Variants in ARHGAP35 observed in about 807,000 individuals in gnomAD.
The protein encoded by ARHGAP35 is rho GTPase-activating protein 35.
ARHGAP35 carries 15 observed loss-of-function variants against 111.1 expected under a neutral mutation model. The observed-to-expected ratio is 0.13, with a 90% CI of 0.09 to 0.21. ARHGAP35 has a LOEUF of 0.21. Ranked by LOEUF, ARHGAP35 falls within the 10% of genes least tolerant of loss-of-function variation. The pLI is 1.00. For synonymous variants in ARHGAP35, 643 were observed against 710.3 expected, an observed-to-expected ratio of 0.91 and a Z score of 1.51; for missense variants, 1,262 against 1,873.0, an observed-to-expected ratio of 0.67 and a Z score of 6.02.
intron 2 of ARHGAP35, among the ~76,000 whole-genome samples, chr19:46,930,662 C>A (rs1291881711): frequency 6.7e-6 from 1 of 150,164 alleles, no homozygotes; most frequent in Non-Finnish European, 1.5e-5. Context: ...TTTATGGAGA[C>A]CAAAAGAGAA....
intron 2 of ARHGAP35, among the ~76,000 whole-genome samples, chr19:46,923,879 A>C (rs548373349): frequency 6.6e-6 from 1 of 151,692 alleles, no homozygotes; most frequent in Non-Finnish European, 1.5e-5. Flanking sequence ...CAAGTTCACG[A>C]CACTGTATTC....
Position 46,919,973 on chromosome 19 carries a change from G to T in ARHGAP35, c.1298G>T (p.Arg433Leu). 6.2e-7 allele frequency: 1 copy of T among 1,613,980 alleles called. No individual in the cohort carries two copies. Among genetic ancestry groups the T allele is most frequent in the Non-Finnish European group, 8.5e-7 (1 of 1,179,908 alleles). ...LRNERKRVEMRRAFKENLETS... is the reference protein window; with the variant it reads ...LRNERKRVEMLRAFKENLETS... ...AACGAAAGGAAAAGAGTTGAGATGC[G>T]AAGGGCGTTTAAAGAAAACCTGGAG... is the stretch of plus-strand genomic sequence containing the variant. The change falls in exon 2 of 7, where the codon CGA becomes CTA. Residue 433 changes from arginine to leucine, a missense_variant. By Grantham distance (102) the Arg-to-Leu change is moderately radical. Transcript: ENST00000672722. This position sits in a 1 kb window ranked among gnomAD's most constrained non-coding sequence, Gnocchi z 6.2.
intron 1 of ARHGAP35, among the ~76,000 whole-genome samples, chr19:46,864,911 C>G (rs1026213422): frequency 6.6e-6 from 1 of 152,176 alleles, no homozygotes; most frequent in African/African-American, 2.4e-5. Flanking sequence ...ACTGTGTATG[C>G]AGTACTGCTT....
In ARHGAP35 at chr19:46,919,475, G is replaced by A; in HGVS notation, c.800G>A (p.Ser267Asn). 1 of 1,613,982 alleles carries A rather than the reference G, an allele frequency of 6.2e-7. No individual in the cohort carries two copies. Among genetic ancestry groups the A allele is most frequent in the Non-Finnish European group, 8.5e-7 (1 of 1,179,898 alleles). ...IPYFEALKQQ[S>N]QQIATAKDKY... is the part of the protein sequence containing the mutation. ...TATTTTGAAGCTCTCAAGCAGCAGA[G>A]TCAGCAGATAGCTACAGCAAAAGAC... is the stretch of plus-strand genomic sequence containing the variant. The change falls in exon 2 of 7, where the codon AGT (serine) becomes AAT (asparagine). Residue 267 changes from serine to asparagine, a missense_variant. Transcript: ENST00000672722. The surrounding 1 kb of genome is among the most constrained non-coding windows in gnomAD (Gnocchi z 6.2).
At position 46,945,810 on chromosome 19, in the gene ARHGAP35, T is replaced by A. The variant is rs2056376279; in HGVS notation, c.3826+8402T>A. Among the ~76,000 whole-genome samples, 1 of 152,156 alleles carries A rather than the reference T, an allele frequency of 6.6e-6. No homozygotes were observed. Among genetic ancestry groups the A allele is most frequent in the African/African-American group, 2.4e-5 (1 of 41,422 alleles). ...ATGTGAGGCCAGACTTCGTTCCCTG[T>A]TTCTGTGATTTTTAACCTCTGCTTT... On this transcript the variant is annotated intron_variant, in intron 3 of 6. Coordinates refer to ENST00000672722, the MANE Select transcript of ARHGAP35 (RefSeq NM_004491.5). The surrounding 1 kb of genome is among the most constrained non-coding windows in gnomAD (Gnocchi z 4.1).
chr19:46,928,782 A>G (rs2056254038), intron 2 of ARHGAP35, among the ~76,000 whole-genome samples: 1 of 151,912 alleles, frequency 6.6e-6, no homozygotes, highest in Admixed American at 6.6e-5. Flanking sequence ...AAATACAAAA[A>G]TTAGCCAGGT....
At chr19:46,958,363 C>G (rs887836591) in intron 3 of ARHGAP35, among the ~76,000 whole-genome samples, 1 of 145,700 alleles carries the variant, frequency 6.9e-6, no homozygotes, top group East Asian at 2.0e-4. Flanking sequence ...CCAGCCTGGG[C>G]GACAGAGCAA....
intron 1 of ARHGAP35, among the ~76,000 whole-genome samples, chr19:46,885,658 G>T (rs1485196295): frequency 1.3e-5 from 2 of 152,024 alleles, no homozygotes; most frequent in South Asian, 4.2e-4. Flanking sequence ...TACATTCTTT[G>T]GTTTGTCTTC....
intron 1 of ARHGAP35, among the ~76,000 whole-genome samples, chr19:46,917,485 G>A (rs1288085888): frequency 6.6e-6 from 1 of 152,070 alleles, no homozygotes; most frequent in African/African-American, 2.4e-5. Context: ...GCGCATGCCT[G>A]TAATCCCAGC....
At chr19:46,946,182 A>C (rs1001537844) in intron 3 of ARHGAP35, among the ~76,000 whole-genome samples, 2 of 152,194 alleles carry the variant, frequency 1.3e-5, no homozygotes, top group African/African-American at 4.8e-5. Context: ...TGTTCCATAC[A>C]TGTTTCTTGA....
chr19:46,983,303 C>T (rs2056631115), intron 3 of ARHGAP35, among the ~76,000 whole-genome samples: 1 of 152,130 alleles, frequency 6.6e-6, no homozygotes, highest in Non-Finnish European at 1.5e-5. Flanking sequence ...TCTCAGCGTT[C>T]CTGTCTGTAG....
chr19:46,909,302 A>T (rs543819899), intron 1 of ARHGAP35, among the ~76,000 whole-genome samples: 2 of 152,188 alleles, frequency 1.3e-5, no homozygotes, highest in Middle Eastern at 6.8e-3. Flanking sequence ...GACCATATTT[A>T]AAAAACAAAA....
At chr19:46,996,327 C>T (rs1451851640) in intron 5 of ARHGAP35, among the ~76,000 whole-genome samples, 4 of 152,016 alleles carry the variant, frequency 2.6e-5, no homozygotes, top group Non-Finnish European at 5.9e-5. Context: ...GGTCTCAAAC[C>T]CCTGACTTCA....
intron 1 of ARHGAP35, among the ~76,000 whole-genome samples, chr19:46,870,349 G>T (rs2055881256): frequency 6.6e-6 from 1 of 151,850 alleles, no homozygotes; most frequent in South Asian, 2.1e-4. Context: ...GGAGGCCGAG[G>T]CGGGTGGATC....
intron 1 of ARHGAP35, among the ~76,000 whole-genome samples, chr19:46,878,104 C>T (rs2055935844): frequency 6.6e-6 from 1 of 152,000 alleles, no homozygotes; most frequent in Non-Finnish European, 1.5e-5. Flanking sequence ...GCTCACTGCA[C>T]CTTCCACCTC....
In ARHGAP35 at chr19:46,867,174, A is replaced by G. The variant is rs555666755; in HGVS notation, c.-189+5965A>G. 4.4e-4 allele frequency among the ~76,000 whole-genome samples: 67 copies of G among 152,376 alleles called. 1 individual carries two copies. The South Asian group carries it at 0.011, about 24-fold the overall frequency. The stretch of plus-strand genomic sequence containing the variant: ...CAGATACTTTCAGCCATGAAGTATC[A>G]TTACAGGAAAGTAATATTTATTTTA... On this transcript the variant is annotated intron_variant, in intron 1 of 6. Coordinates refer to ENST00000672722, the MANE Select transcript of ARHGAP35 (RefSeq NM_004491.5).
Position 46,937,289 on chromosome 19 carries a change from C to T in ARHGAP35, c.3707C>T (p.Ser1236Phe). Residue 1236 changes from serine (S) to phenylalanine (F), a missense_variant, in exon 3 of 7, where the codon TCC becomes TTC. By Grantham distance (155) the Ser-to-Phe change is radical. This residue lies in a region of ARHGAP35 where 579 missense variants were observed against 716.9 expected (regional missense o/e 0.81). Transcript: ENST00000672722. ...TKKPKPKPRP[S>F]ITKATWESNY... Reference sequence around the variant, plus strand: ...AAACCAAAGCCCAAACCCCGGCCATCCATCACAAAGGCAACCTGGGAGAGT... The same window carrying T: ...AAACCAAAGCCCAAACCCCGGCCATTCATCACAAAGGCAACCTGGGAGAGT... The T allele has an allele frequency of 1.9e-6, 3 of 1,613,884 alleles. No homozygotes were observed. Among genetic ancestry groups the T allele is most frequent in the African/African-American group, 1.3e-5 (1 of 75,044 alleles).
intron 1 of ARHGAP35, among the ~76,000 whole-genome samples, chr19:46,891,291 A>T (rs1456369177): frequency 1.3e-5 from 2 of 152,184 alleles, no homozygotes; most frequent in Non-Finnish European, 2.9e-5. Context: ...TTCATTAAGG[A>T]TAATTATTAT....
intron 1 of ARHGAP35, among the ~76,000 whole-genome samples, chr19:46,909,645 G>A (rs1177037803): frequency 3.3e-5 from 5 of 152,174 alleles, no homozygotes; most frequent in Non-Finnish European, 7.4e-5. Flanking sequence ...TTGGGTAGGA[G>A]TAAGTGTATG....
Sources: gnomAD v4.1 joint callset for allele counts (sites outside exome capture counted in the v4.1 genomes callset) on GRCh38, gnomAD v4.1.1 for gene constraint, gnomAD v4.1.1 regional missense constraint, Gnocchi (gnomAD v3.1) non-coding constraint, MANE v1.5 for transcripts, NCBI Gene and HGNC (gene_info 2026-07-23, HGNC 2026-07-21) for gene names.